Variants in ESRRG observed in about 807,000 individuals in gnomAD.
The protein encoded by ESRRG is estrogen related receptor gamma.
ESRRG carries 13 observed loss-of-function variants against 44.0 expected under a neutral mutation model. That is an observed-to-expected ratio of 0.30 (90% CI 0.19 to 0.47). ESRRG has a LOEUF of 0.47. Among genes scored for constraint, ESRRG ranks in the 20% least tolerant of loss-of-function variants. The pLI, the probability that ESRRG is intolerant of heterozygous loss-of-function variation, is 1.00. For synonymous variants in ESRRG, 215 were observed against 214.6 expected (o/e 1.00, Z -0.02); for missense variants, 395 against 580.6 (o/e 0.68, Z 3.29).
chr1:216,810,706 G>A (rs1395201454), intron 2 of ESRRG, among the ~76,000 whole-genome samples: 1 of 146,482 alleles, frequency 6.8e-6, no homozygotes, highest in Non-Finnish European at 1.5e-5. Context: ...AAATGGATGT[G>A]TGTGTGTGTG....
chr1:217,102,649 T>C (rs1174557749), intron 1 of ESRRG, among the ~76,000 whole-genome samples: 2 of 152,250 alleles, frequency 1.3e-5, no homozygotes, highest in Non-Finnish European at 1.5e-5. Context: ...AGCATGGTTT[T>C]TGTCCTTCAT....
intron 2 of ESRRG, among the ~76,000 whole-genome samples, chr1:216,937,085 A>G (rs573837494): frequency 7.2e-5 from 11 of 152,004 alleles, no homozygotes; most frequent in Non-Finnish European, 1.3e-4. Flanking sequence ...AAAGAAAGAT[A>G]TTTTTCAAGT....
intron 2 of ESRRG, among the ~76,000 whole-genome samples, chr1:216,854,697 C>T (rs1407666514): frequency 6.6e-6 from 1 of 152,080 alleles, no homozygotes; most frequent in Non-Finnish European, 1.5e-5. Flanking sequence ...TGATGGATAC[C>T]AGAGCTGTGA....
chr1:217,003,621 G>C (rs1416407220), intron 1 of ESRRG, among the ~76,000 whole-genome samples: 1 of 133,190 alleles, frequency 7.5e-6, no homozygotes, highest in African/African-American at 3.3e-5. Flanking sequence ...ACTAACATAA[G>C]GCCTAATATT....
intron 2 of ESRRG, among the ~76,000 whole-genome samples, chr1:216,832,906 C>G (rs1218841719): frequency 1.3e-5 from 2 of 151,404 alleles, no homozygotes; most frequent in African/African-American, 4.9e-5. Context: ...ATCCCAGAGG[C>G]AGAGGTTGCA....
chr1:216,657,063 A>T (rs995055907), intron 2 of ESRRG, among the ~76,000 whole-genome samples: 6 of 152,222 alleles, frequency 3.9e-5, no homozygotes, highest in African/African-American at 9.6e-5. Context: ...TCTTTATTGT[A>T]TAGTGGCAAA....
chr1:216,738,293 G>T (rs1478955284), intron 2 of ESRRG, among the ~76,000 whole-genome samples: 7 of 152,118 alleles, frequency 4.6e-5, no homozygotes, highest in Non-Finnish European at 8.8e-5. Flanking sequence ...AGCTTTTGTA[G>T]TGACACAATG....
At chr1:217,028,281 C>G (rs1443863880) in intron 1 of ESRRG, among the ~76,000 whole-genome samples, 3 of 152,162 alleles carry the variant, frequency 2.0e-5, no homozygotes, top group Admixed American at 2.0e-4. Flanking sequence ...ATGCAAGGAA[C>G]AACTAGAGTA....
chr1:216,533,046 C>A (rs2049877899), intron 5 of ESRRG, among the ~76,000 whole-genome samples: 1 of 152,088 alleles, frequency 6.6e-6, no homozygotes, highest in South Asian at 2.1e-4. Context: ...TTTTCACTAT[C>A]TTTTCTTTAG....
At chr1:216,792,215 T>G (rs762073492) in intron 2 of ESRRG, among the ~76,000 whole-genome samples, 7 of 152,194 alleles carry the variant, frequency 4.6e-5, no homozygotes, top group Non-Finnish European at 8.8e-5. Context: ...GTGACATTCA[T>G]GCATATTTGC....
At chr1:216,712,022 A>G (rs933598576) in intron 1 of ESRRG, among the ~76,000 whole-genome samples, 2 of 152,178 alleles carry the variant, frequency 1.3e-5, no homozygotes, top group Non-Finnish European at 2.9e-5. Flanking sequence ...TCATCAAGGA[A>G]TTTTATGATT....
chr1:216,642,979 G>A (rs1339596178), intron 3 of ESRRG, among the ~76,000 whole-genome samples: 1 of 152,126 alleles, frequency 6.6e-6, no homozygotes, highest in Non-Finnish European at 1.5e-5. Context: ...CTCTTTAAAT[G>A]AACATTTTGT....
exon 2 of ESRRG, chr1:216,939,668 T>C (rs1431755493): frequency 6.6e-6 from 1 of 151,242 alleles, no homozygotes; most frequent in Non-Finnish European, 1.5e-5. Flanking sequence ...CAGTAAATTG[T>C]CAGCTCTATT....
At chr1:216,857,904 C>T (rs142887685) in intron 2 of ESRRG, among the ~76,000 whole-genome samples, 12 of 152,224 alleles carry the variant, frequency 7.9e-5, no homozygotes, top group African/African-American at 2.9e-4. Context: ...TTTTCACTAA[C>T]ATTTCCCCCA....
intron 5 of ESRRG, among the ~76,000 whole-genome samples, chr1:216,536,117 C>A (rs2050868640): frequency 6.6e-6 from 1 of 152,094 alleles, no homozygotes; most frequent in Non-Finnish European, 1.5e-5. Context: ...TTCTTTTATG[C>A]CAATCCTTTT....
chr1:216,525,844 T>G (rs1470111969), intron 5 of ESRRG, among the ~76,000 whole-genome samples: 1 of 152,070 alleles, frequency 6.6e-6, no homozygotes, highest in African/African-American at 2.4e-5. Context: ...AATATCAGAG[T>G]GCTTCAGGGA....
Position 216,574,929 on chromosome 1 carries a change from T to C in ESRRG, c.590-6831A>G, listed in dbSNP as rs150241669. Among the ~76,000 whole-genome samples, 7 of 152,220 alleles carry C rather than the reference T, an allele frequency of 4.6e-5. No homozygotes were observed. In the East Asian group the frequency reaches 1.3e-3, roughly 29 times the overall value. ...CCTAAAGCCACCTCCCTCCTTCCCT[T>C]GGGAAAGAGAAATATCCAACAGCAC... On this transcript the variant is annotated intron_variant, in intron 3 of 6. Transcript: ENST00000408911.
At chr1:216,824,865 T>C (rs1220725512) in intron 2 of ESRRG, among the ~76,000 whole-genome samples, 1 of 152,182 alleles carries the variant, frequency 6.6e-6, no homozygotes, top group South Asian at 2.1e-4. Context: ...ATGAACCACA[T>C]TGAGTTTGCT....
chr1:216,523,430 CCTT>C (rs1435479489), intron 5 of ESRRG, among the ~76,000 whole-genome samples: 1 of 151,632 alleles, frequency 6.6e-6, no homozygotes, highest in African/African-American at 2.4e-5. Context: ...AACCGTCTTG[CCTT>C]CTTCTACTGG....
Sources: allele counts gnomAD v4.1 joint callset (sites outside exome capture counted in the v4.1 genomes callset), GRCh38; gene constraint gnomAD v4.1.1; transcripts MANE v1.5; gene names NCBI Gene and HGNC (gene_info 2026-07-23, HGNC 2026-07-21).